The following ZFAND4 variants were observed in gnomAD, a reference collection of about 807,000 sequenced individuals.
ZFAND4 encodes zinc finger AN1-type containing 4, also known as AN1-type zinc finger protein 4.
A neutral mutation model predicts 64.4 loss-of-function variants in ZFAND4; 43 were observed. That is an observed-to-expected ratio of 0.67 (90% CI 0.52 to 0.86). ZFAND4 has a LOEUF of 0.86. ZFAND4 is among the 40% of genes least tolerant of loss of function. The pLI is 0.00. For missense variants in ZFAND4, 929 were observed against 859.8 expected (o/e 1.08, Z -1.01); for synonymous variants, 296 against 305.7 (o/e 0.97, Z 0.33).
In ZFAND4 at chr10:45,615,920, A is replaced by C. The variant is rs2044912509; in HGVS notation, c.*516T>G. The C allele has an allele frequency of 6.6e-6, 1 of 152,394 alleles. No individual in the cohort carries two copies. The highest frequency in any genetic ancestry group is 1.5e-5 in the Non-Finnish European group (1 of 68,076). 9.4% of individuals were successfully genotyped at this position (152,394 alleles called of 1,614,324 possible). A position where few individuals can be genotyped will look rare whatever the true frequency, so the allele number is the denominator to read the frequency against. ...TAAAAAGTAGCTTGAAGTAAAAAGG[A>C]ACTTGCTAATAAAGCCAGTAAACTT... On this transcript the variant is annotated 3_prime_UTR_variant, in exon 10 of 10. Coordinates refer to ENST00000344646, the MANE Select transcript of ZFAND4 (RefSeq NM_174890.4).
At chr10:45,623,757 TTA>T (rs2045601802) in intron 8 of ZFAND4, among the ~76,000 whole-genome samples, 1 of 152,178 alleles carries the variant, frequency 6.6e-6, no homozygotes, top group South Asian at 2.1e-4. Context: ...TTAAAAATGG[TTA>T]TGACAGTAAA....
intron 2 of ZFAND4, among the ~76,000 whole-genome samples, chr10:45,663,290 C>T (rs1466394642): frequency 6.6e-6 from 1 of 152,076 alleles, no homozygotes; most frequent in Non-Finnish European, 1.5e-5. Flanking sequence ...GAAAGCTATT[C>T]TAAAATATTA....
At chr10:45,672,205 AAGTATTTCAGAGCC>A (rs1400396778) in intron 1 of ZFAND4, 31 bp downstream of exon 1, 1 of 152,218 alleles carries the variant, frequency 6.6e-6, no homozygotes, top group Non-Finnish European at 1.5e-5. Flanking sequence ...CGGAATTGGG[AAGTATTTCAGAGCC>A]AGCATCTCCT....
intron 2 of ZFAND4, among the ~76,000 whole-genome samples, chr10:45,659,629 G>C (rs1358287816): frequency 6.6e-6 from 1 of 152,040 alleles, no homozygotes; most frequent in Non-Finnish European, 1.5e-5. Context: ...GACAAAACTA[G>C]CATCAGAAAT....
Position 45,639,937 on chromosome 10 carries a change from G to A in ZFAND4, c.596C>T (p.Thr199Ile), listed in dbSNP as rs747239235. The A allele has an allele frequency of 1.7e-5, 27 of 1,612,064 alleles. No homozygotes were observed. Among genetic ancestry groups the A allele is most frequent in the South Asian group, 3.3e-5 (3 of 90,830 alleles). ...MSGGSMYNSD[T>I]DEDEETEPSS... is the part of the protein sequence containing the mutation. The stretch of plus-strand genomic sequence containing the variant: ...AGGCTCAGTTTCTTCATCCTCATCT[G>A]TATCTGAATTATACATAGAACCACC... The change falls in exon 6 of 10, where the codon ACA becomes ATA. Residue 199 changes from threonine (T) to isoleucine (I), a missense_variant. Physicochemically the swap from Thr to Ile is moderately conservative, Grantham distance 89. Coordinates refer to ENST00000344646, the MANE Select transcript of ZFAND4 (RefSeq NM_174890.4).
Position 45,626,696 on chromosome 10 carries a change from G to C in ZFAND4, c.1127C>G (p.Ser376Cys). 6.2e-7 allele frequency: 1 copy of C among 1,614,212 alleles called. No homozygotes were observed. The highest frequency in any genetic ancestry group is 8.5e-7 in the Non-Finnish European group (1 of 1,180,040). Residue 376 changes from serine (S) to cysteine (C), a missense_variant, in exon 7 of 10, where the codon TCT (serine) becomes TGT (cysteine). By Grantham distance (112) the Ser-to-Cys change is moderately radical. Coordinates refer to ENST00000344646, the MANE Select transcript of ZFAND4 (RefSeq NM_174890.4). ...QTKHFLGNLPSSNGNIVLPSE... is the reference protein window; with the variant it reads ...QTKHFLGNLPCSNGNIVLPSE... ...AGGTAAGACAATGTTCCCATTACTA[G>C]ATGGCAAGTTTCCTAAAAAATGTTT...
intron 8 of ZFAND4, among the ~76,000 whole-genome samples, chr10:45,619,936 T>C (rs984602972): frequency 6.6e-6 from 1 of 152,200 alleles, no homozygotes; most frequent in Non-Finnish European, 1.5e-5. Flanking sequence ...AGTAATTCCA[T>C]TATTTAAAGT....
At chr10:45,616,698 CT>C in intron 9 of ZFAND4, 127 bp from the exon 10 acceptor site, 1 of 823,376 alleles carries the variant, frequency 1.2e-6, no homozygotes, top group East Asian at 2.6e-5. Flanking sequence ...AATTTCACTG[CT>C]GACATTTCCC....
rs375237001 is a variant in ZFAND4 at position 45,628,144 on chromosome 10, G to A, written c.718-1039C>T. Among the ~76,000 whole-genome samples, 15 of 152,206 alleles carry A rather than the reference G, an allele frequency of 9.9e-5. No individual in the cohort carries two copies. The South Asian group carries it at 3.1e-3, about 32-fold the overall frequency. On this transcript the variant is annotated intron_variant, in intron 6 of 9. Coordinates refer to ENST00000344646, the MANE Select transcript of ZFAND4 (RefSeq NM_174890.4). The stretch of plus-strand genomic sequence containing the variant: ...TAGCTCTTAAAAATAAGCAAAAATG[G>A]TAGCAAGCAGGCATGAGGATGGGAT...
chr10:45,648,301 G>A lies in ZFAND4; in HGVS notation c.562C>T (p.Arg188Cys), dbSNP rs146833659. 17 of 1,607,284 alleles carry A rather than the reference G, an allele frequency of 1.1e-5. No homozygotes were observed. The highest frequency in any genetic ancestry group is 8.9e-5 in the East Asian group (4 of 44,774). ...CAAAAGTTTATGGAGTACCTCATAC[G>A]ATGTTCTCCTTTTCTCCGTAGGACA... is the stretch of plus-strand genomic sequence containing the variant. ...LHVLRRKGEH[R>C]MSGGSMYNSD... Residue 188 changes from arginine (R) to cysteine (C), a missense_variant, in exon 5 of 10, where the codon CGT becomes TGT. Physicochemically the swap from Arg to Cys is radical, Grantham distance 180. Coordinates refer to ENST00000344646, the MANE Select transcript of ZFAND4 (RefSeq NM_174890.4).
At chr10:45,628,892 T>C (rs1589273244) in intron 6 of ZFAND4, among the ~76,000 whole-genome samples, 3 of 101,868 alleles carry the variant, frequency 2.9e-5, no homozygotes, top group Admixed American at 1.4e-4. Context: ...GTATGGAGCT[T>C]CACCAAAAAA....
At chr10:45,644,771 G>A (rs73292829) in intron 5 of ZFAND4, among the ~76,000 whole-genome samples, 2,802 of 152,144 alleles carry the variant, frequency 0.018, 94 homozygotes, top group African/African-American at 0.063. Context: ...TATTGAGGGC[G>A]TCAATACCAA....
intron 8 of ZFAND4, among the ~76,000 whole-genome samples, chr10:45,620,582 G>A (rs910383270): frequency 6.6e-6 from 1 of 152,186 alleles, no homozygotes; most frequent in African/African-American, 2.4e-5. Context: ...TATGAGAGCA[G>A]CCTCCATACA....
intron 2 of ZFAND4, among the ~76,000 whole-genome samples, chr10:45,655,782 A>G (rs1404275508): frequency 6.6e-6 from 1 of 152,250 alleles, no homozygotes. Context: ...AAATTCCTAG[A>G]AACATACAAT....
chr10:45,626,612 A>G lies in ZFAND4; in HGVS notation c.1211T>C (p.Phe404Ser). 2 of 1,614,200 alleles carry G rather than the reference A, an allele frequency of 1.2e-6. No homozygotes were observed. The highest frequency in any genetic ancestry group is 2.2e-5 in the East Asian group (1 of 44,884). The change falls in exon 7 of 10, where the codon TTT becomes TCT. Residue 404 changes from phenylalanine to serine, a missense_variant. Coordinates refer to ENST00000344646, the MANE Select transcript of ZFAND4 (RefSeq NM_174890.4). ...LLPKVGSLAS[F>S]AEGNADEQSS... is the part of the protein sequence containing the mutation. ...CTGTTCATCAGCATTTCCTTCTGCA[A>G]ATGAAGCCAGTGAGCCCACTTTAGG...
chr10:45,622,787 C>G (rs776233607), intron 8 of ZFAND4, among the ~76,000 whole-genome samples: 2 of 152,054 alleles, frequency 1.3e-5, no homozygotes, highest in Non-Finnish European at 2.9e-5. Context: ...TTTGGTAGTC[C>G]GTTGAAGACG....
chr10:45,649,940 T>C (rs1423589987), intron 4 of ZFAND4, among the ~76,000 whole-genome samples: 1 of 152,196 alleles, frequency 6.6e-6, no homozygotes. Flanking sequence ...CTCAGGCAAG[T>C]GTATGTGTGG....
intron 1 of ZFAND4, among the ~76,000 whole-genome samples, chr10:45,670,996 A>C (rs112126563): frequency 0.11 from 16,617 of 152,258 alleles, 1,206 homozygotes; most frequent in Admixed American, 0.2. Context: ...AGAAAAAAAC[A>C]ACCGCATCAA....
At position 45,626,007 on chromosome 10, in the gene ZFAND4, G is replaced by A. The variant is rs1025651391; in HGVS notation, c.1816C>T (p.Gln606Ter). 6.2e-7 allele frequency: 1 copy of A among 1,614,150 alleles called. No homozygotes were observed. Among genetic ancestry groups the A allele is most frequent in the Middle Eastern group, 1.6e-4 (1 of 6,062 alleles). ...TGLSTNLQHF[Q>*]EENFRKSSPQ... is the part of the protein sequence containing the mutation. ...GAACTTTTCCTAAAGTTTTCTTCCT[G>A]AAAATGCTGGAGGTTTGTAGACAGC... The change falls in exon 7 of 10, where the codon CAG becomes TAG. Residue 606 changes from glutamine (Q) to a stop codon, truncating the protein, a stop_gained. Transcript: ENST00000344646. LOFTEE classifies it high-confidence loss of function.
Sources: gnomAD v4.1 joint callset for allele counts (sites outside exome capture counted in the v4.1 genomes callset) on GRCh38, gnomAD v4.1.1 for gene constraint, MANE v1.5 for transcripts, NCBI Gene and HGNC (gene_info 2026-07-23, HGNC 2026-07-21) for gene names.